Variants in ASB7 observed in about 807,000 individuals in gnomAD.
ASB7 encodes the protein ankyrin repeat and SOCS box containing 7, also known as ankyrin repeat and SOCS box protein 7.
ASB7 carries 4 observed loss-of-function variants against 32.5 expected under a neutral mutation model. That is an observed-to-expected ratio of 0.12 (90% CI 0.06 to 0.28). The LOEUF is 0.28. Ranked by LOEUF, ASB7 falls within the 10% of genes least tolerant of loss-of-function variation. ASB7 has a pLI of 1.00. For synonymous variants in ASB7, 172 were observed against 155.6 expected (o/e 1.11, Z -0.78); for missense variants, 181 against 407.1 (o/e 0.44, Z 4.78).
At chr15:100,628,947 A>G (rs1465454699) in intron 4 of ASB7, among the ~76,000 whole-genome samples, 1 of 152,132 alleles carries the variant, frequency 6.6e-6, no homozygotes, top group Middle Eastern at 3.2e-3. Flanking sequence ...TTTTTTTATT[A>G]CTTAATATAC....
intron 4 of ASB7, among the ~76,000 whole-genome samples, chr15:100,620,716 A>C (rs2039784292): frequency 6.6e-6 from 1 of 152,254 alleles, no homozygotes; most frequent in South Asian, 2.1e-4. Flanking sequence ...TGGAAATTGT[A>C]ACAAACTCAT....
intron 4 of ASB7, among the ~76,000 whole-genome samples, chr15:100,620,596 G>T (rs1207790496): frequency 2.5e-5 from 2 of 79,954 alleles, no homozygotes; most frequent in African/African-American, 6.2e-5. Flanking sequence ...ACAAACCCTG[G>T]TAGTCTTTAT....
At chr15:100,642,145 T>C (rs1447048922) in intron 5 of ASB7, among the ~76,000 whole-genome samples, 1 of 152,242 alleles carries the variant, frequency 6.6e-6, no homozygotes, top group East Asian at 1.9e-4. Flanking sequence ...TTTCAACATA[T>C]TGACTAGAGC....
chr15:100,648,082 T>C (rs2040008425), intron 5 of ASB7, among the ~76,000 whole-genome samples: 1 of 152,222 alleles, frequency 6.6e-6, no homozygotes, highest in Non-Finnish European at 1.5e-5. Context: ...TGTTTACATC[T>C]GATACTCAGT....
chr15:100,643,333 A>G (rs1370013166), intron 5 of ASB7, among the ~76,000 whole-genome samples: 1 of 152,198 alleles, frequency 6.6e-6, no homozygotes, highest in Admixed American at 6.5e-5. Flanking sequence ...CTCATCTCTT[A>G]ATGATAGGAG....
chr15:100,647,750 C>T (rs2040006040), intron 5 of ASB7, among the ~76,000 whole-genome samples: 1 of 152,134 alleles, frequency 6.6e-6, no homozygotes, highest in Non-Finnish European at 1.5e-5. Flanking sequence ...TCACGGAAAA[C>T]AGGTGAGCAG....
chr15:100,648,124 C>T (rs78316171), intron 5 of ASB7, among the ~76,000 whole-genome samples, 199 bp from the exon 6 acceptor site: 2,222 of 152,198 alleles, frequency 0.015, 59 homozygotes, highest in African/African-American at 0.049. Flanking sequence ...TTGAAAATAT[C>T]CACCATCCCA....
chr15:100,631,483 G>T (rs2039883208), intron 5 of ASB7, among the ~76,000 whole-genome samples: 1 of 152,124 alleles, frequency 6.6e-6, no homozygotes, highest in African/African-American at 2.4e-5. Flanking sequence ...CGTGATACCC[G>T]CAGTGCTGCA....
chr15:100,609,779 A>G lies in ASB7; in HGVS notation c.-101A>G, dbSNP rs2039678968. 6.6e-6 allele frequency: 1 copy of G among 152,188 alleles called. No individual in the cohort carries two copies. The highest frequency in any genetic ancestry group is 2.4e-5 in the African/African-American group (1 of 41,430). 9.4% of individuals were successfully genotyped at this position (152,188 alleles called of 1,614,324 possible). A position where few individuals can be genotyped will look rare whatever the true frequency, so the allele number is the denominator to read the frequency against. On this transcript the variant is annotated 5_prime_UTR_variant, in exon 3 of 6. It removes an upstream start codon present in the reference 5' UTR. Coordinates refer to ENST00000332783, the MANE Select transcript of ASB7 (RefSeq NM_198243.3). Reference sequence around the variant, plus strand: ...CTCCCCACGATGCTGTACGTGCACAATGGTTACTAGGCAATCCGTACATCA... The same window carrying G: ...CTCCCCACGATGCTGTACGTGCACAGTGGTTACTAGGCAATCCGTACATCA...
chr15:100,646,568 T>G lies in ASB7; in HGVS notation c.818-1755T>G. 5.2e-6 allele frequency: 2 copies of G among 385,360 alleles called. 1 individual carries two copies. Among genetic ancestry groups the G allele is most frequent in the South Asian group, 4.4e-5 (2 of 45,714 alleles). The allele number at this position is 385,360 out of a possible 1,614,324, so 23.9% of individuals were successfully genotyped here. On this transcript the variant is annotated intron_variant, in intron 5 of 5. Transcript: ENST00000332783. ...TTGATGATGTTACTAAGGTCAACAC[T>G]TTAAGAGACAGCAGGGATTGAGAAG...
chr15:100,646,033 C>A, intron 5 of ASB7: 1 of 426,682 alleles, frequency 2.3e-6, no homozygotes, highest in Non-Finnish European at 4.6e-6. Context: ...AGACCAGATC[C>A]TTAGCATCTT....
At chr15:100,638,038 T>A (rs901210225) in intron 5 of ASB7, among the ~76,000 whole-genome samples, 3 of 152,092 alleles carry the variant, frequency 2.0e-5, no homozygotes, top group Non-Finnish European at 4.4e-5. Flanking sequence ...TTTAAAAATT[T>A]CTCAATTTCT....
Position 100,630,042 on chromosome 15 carries a change from A to G in ASB7, c.817A>G (p.Arg273Gly), listed in dbSNP as rs1567116012. 6.3e-7 allele frequency: 1 copy of G among 1,581,078 alleles called. No individual in the cohort carries two copies. Among genetic ancestry groups the G allele is most frequent in the African/African-American group, 1.4e-5 (1 of 73,586 alleles). Residue 273 changes from arginine to glycine, a missense_variant and splice_region_variant, in exon 5 of 6, where the codon AGA (arginine) becomes GGA (glycine). Coordinates refer to ENST00000332783, the MANE Select transcript of ASB7 (RefSeq NM_198243.3). The stretch of plus-strand genomic sequence containing the variant: ...TTTGGATTTCTTACAAGAAGTCACA[A>G]GTATGTAATATAATTATTACTTTAT... The part of the protein sequence containing the change: ...PCLDFLQEVT[R>G]QPRNLQDLCR...
intron 4 of ASB7, among the ~76,000 whole-genome samples, chr15:100,614,896 C>T (rs765741665): frequency 6.6e-6 from 1 of 152,304 alleles, no homozygotes; most frequent in Non-Finnish European, 1.5e-5. Context: ...ATCTTTCTCT[C>T]TGTATATATG....
intron 3 of ASB7, 136 bp from the exon 4 acceptor site, chr15:100,612,030 C>T: frequency 1.7e-6 from 1 of 594,708 alleles, no homozygotes; most frequent in Non-Finnish European, 3.0e-6. Context: ...TGCACCACCA[C>T]ACCCAGCTAG....
intron 4 of ASB7, among the ~76,000 whole-genome samples, chr15:100,613,216 G>T (rs1487955735): frequency 5.3e-5 from 8 of 152,194 alleles, no homozygotes; most frequent in Non-Finnish European, 1.2e-4. Flanking sequence ...CCATTCTAGG[G>T]CTTTAATTGC....
In ASB7 at chr15:100,642,692, A is replaced by G. The variant is rs373904494; in HGVS notation, c.818-5631A>G. On this transcript the variant is annotated intron_variant, in intron 5 of 5. Coordinates refer to ENST00000332783, the MANE Select transcript of ASB7 (RefSeq NM_198243.3). ...GACATTTGTTTTACTTCCCTGCTCC[A>G]CACGTTATTTTCTGGAGCAATTTGA... Among the ~76,000 whole-genome samples the G allele has an allele frequency of 5.9e-5, 9 of 152,350 alleles. No homozygotes were observed. In the East Asian group the frequency reaches 9.6e-4, roughly 16 times the overall value.
intron 4 of ASB7, among the ~76,000 whole-genome samples, chr15:100,621,180 A>G (rs1167281761): frequency 6.6e-6 from 1 of 152,232 alleles, no homozygotes; most frequent in African/African-American, 2.4e-5. Flanking sequence ...TCTTGCCAAT[A>G]TAGAATTTAT....
chr15:100,609,623 T>G (rs2039677461), intron 2 of ASB7, 84 bp from the exon 3 acceptor site: 1 of 152,252 alleles, frequency 6.6e-6, no homozygotes, highest in South Asian at 2.1e-4. Context: ...GAAGTTTACA[T>G]TCATCAAAAG....
Sources: gnomAD v4.1 joint callset for allele counts (sites outside exome capture counted in the v4.1 genomes callset) on GRCh38, gnomAD v4.1.1 for gene constraint, MANE v1.5 for transcripts, NCBI Gene and HGNC (gene_info 2026-07-23, HGNC 2026-07-21) for gene names.